Variants in GRID2 observed in about 807,000 individuals in gnomAD.
GRID2 encodes the protein glutamate ionotropic receptor delta type subunit 2, also known as glutamate receptor ionotropic, delta-2.
GRID2 carries 33 observed loss-of-function variants against 114.8 expected under a neutral mutation model. The observed-to-expected ratio is 0.29, with a 90% CI of 0.22 to 0.38. The LOEUF (loss-of-function observed/expected upper bound fraction) is 0.38, where lower values mean the gene tolerates loss of function less well. GRID2 is among the 10% of genes least tolerant of loss of function. The pLI is 1.00. For synonymous variants in GRID2, 505 were observed against 449.9 expected (o/e 1.12, Z -1.55); for missense variants, 1,184 against 1,257.7 (o/e 0.94, Z 0.89).
At chr4:92,835,096 T>C (rs528915754) in intron 2 of GRID2, among the ~76,000 whole-genome samples, 3 of 151,718 alleles carry the variant, frequency 2.0e-5, no homozygotes, top group East Asian at 3.9e-4. Context: ...AATTTTAATA[T>C]GATATGGCAG....
chr4:92,416,455 T>C (rs1731621061), intron 1 of GRID2, among the ~76,000 whole-genome samples: 1 of 152,132 alleles, frequency 6.6e-6, no homozygotes, highest in Non-Finnish European at 1.5e-5. Context: ...GGCTTTTGGA[T>C]TCTTGGTCAT....
chr4:93,575,239 C>G (rs374658787), intron 13 of GRID2, among the ~76,000 whole-genome samples: 2 of 152,154 alleles, frequency 1.3e-5, no homozygotes, highest in Non-Finnish European at 2.9e-5. Flanking sequence ...ATGTAACAGT[C>G]TACACACAAA....
At chr4:93,564,200 A>G (rs1443930656) in intron 13 of GRID2, among the ~76,000 whole-genome samples, 14 of 152,042 alleles carry the variant, frequency 9.2e-5, no homozygotes, top group Admixed American at 9.2e-4. Context: ...TCATAGAAAT[A>G]TGTCAAAGTC....
intron 2 of GRID2, among the ~76,000 whole-genome samples, chr4:92,938,330 C>G (rs1193920329): frequency 6.8e-6 from 1 of 146,448 alleles, no homozygotes. Context: ...TATGGCCCAT[C>G]TTTCTGGTTT....
At chr4:92,501,766 T>A (rs758898858) in intron 1 of GRID2, among the ~76,000 whole-genome samples, 2 of 152,160 alleles carry the variant, frequency 1.3e-5, no homozygotes, top group Non-Finnish European at 2.9e-5. Context: ...ATCTATACTG[T>A]CAGTAGTGTT....
At chr4:92,962,226 C>T (rs1480442438) in intron 2 of GRID2, among the ~76,000 whole-genome samples, 1 of 151,532 alleles carries the variant, frequency 6.6e-6, no homozygotes, top group Admixed American at 6.6e-5. Context: ...TTTTAGTATG[C>T]CTTGTTTTTT....
intron 1 of GRID2, among the ~76,000 whole-genome samples, chr4:92,421,561 C>T (rs1271100601): frequency 1.3e-5 from 2 of 152,032 alleles, no homozygotes; most frequent in Admixed American, 1.3e-4. Flanking sequence ...TGCTGTAGGC[C>T]CACTGCTAAG....
chr4:93,012,792 A>C (rs1722313190), intron 2 of GRID2, among the ~76,000 whole-genome samples: 1 of 152,206 alleles, frequency 6.6e-6, no homozygotes, highest in East Asian at 1.9e-4. Flanking sequence ...TATTCTTACT[A>C]TGGAGAAATA....
rs17019841 is a variant in GRID2, at chr4:92,736,615, A to G, written c.244+146329A>G. 6.5e-3 allele frequency among the ~76,000 whole-genome samples: 988 copies of G among 152,180 alleles called. 7 individuals are homozygous for G. Among genetic ancestry groups the G allele is most frequent in the African/African-American group, 0.023 (948 of 41,554 alleles). On this transcript the variant is annotated intron_variant, in intron 2 of 15. Coordinates refer to ENST00000282020, the MANE Select transcript of GRID2 (RefSeq NM_001510.4). The stretch of plus-strand genomic sequence containing the variant: ...ACAACAACATGCCTCATTAGCAACA[A>G]ACACGTACTTAGGCTTTTGTCCATT...
intron 2 of GRID2, chr4:92,823,136 T>C (rs993787050): frequency 3.2e-4 from 49 of 152,206 alleles, no homozygotes; most frequent in Middle Eastern, 3.2e-3. Flanking sequence ...AAGGTAATTA[T>C]GTACAAAAGT....
Position 93,515,382 on chromosome 4 carries a change from G to A in GRID2, c.2164G>A (p.Val722Ile), listed in dbSNP as rs913592052. 2 of 1,612,452 alleles carry A rather than the reference G, an allele frequency of 1.2e-6. No homozygotes were observed. The highest frequency in any genetic ancestry group is 1.7e-6 in the Non-Finnish European group (2 of 1,178,824). Residue 722 changes from valine (V) to isoleucine (I), a missense_variant, in exon 13 of 16, where the codon GTT becomes ATT. Val to Ile is a conservative substitution (Grantham distance 29, BLOSUM62 3). Coordinates refer to ENST00000282020, the MANE Select transcript of GRID2 (RefSeq NM_001510.4). ...INRSNGSENNVLESQAGIQKV... is the reference protein window; with the variant it reads ...INRSNGSENNILESQAGIQKV... The stretch of plus-strand genomic sequence containing the variant: ...CCGAAGCAATGGATCGGAGAACAAT[G>A]TTCTGGAGTCCCAGGCAGGCATTCA...
Position 93,772,521 on chromosome 4 carries a change from G to GT in GRID2, c.*26dup, listed in dbSNP as rs1734194706. 1 of 1,521,052 alleles carries GT rather than the reference G, an allele frequency of 6.6e-7. No individual in the cohort carries two copies. The highest frequency in any genetic ancestry group is 1.4e-5 in the African/African-American group (1 of 71,816). 94.2% of individuals were successfully genotyped at this position (1,521,052 alleles called of 1,614,324 possible). A position where few individuals can be genotyped will look rare whatever the true frequency, so the allele number is the denominator to read the frequency against. On this transcript the variant is annotated 3_prime_UTR_variant, in exon 16 of 16. Coordinates refer to ENST00000282020, the MANE Select transcript of GRID2 (RefSeq NM_001510.4). ...TGAGCATCAAACAAATCTCTTCACT[G>GT]TTTCTTTTTTAGGACTCCCTTTGCA... is the stretch of plus-strand genomic sequence containing the variant.
At chr4:93,005,268 G>A (rs1187965407) in intron 2 of GRID2, among the ~76,000 whole-genome samples, 1 of 151,968 alleles carries the variant, frequency 6.6e-6, no homozygotes, top group Non-Finnish European at 1.5e-5. Flanking sequence ...CACAAATTTA[G>A]GAGTTATTCT....
intron 2 of GRID2, among the ~76,000 whole-genome samples, chr4:92,599,290 A>T (rs1223937586): frequency 6.6e-6 from 1 of 152,112 alleles, no homozygotes; most frequent in Non-Finnish European, 1.5e-5. Context: ...TGAAGTAAAT[A>T]AGGCGCTGAG....
At chr4:92,610,571 C>A (rs545258751) in intron 2 of GRID2, among the ~76,000 whole-genome samples, 1 of 151,560 alleles carries the variant, frequency 6.6e-6, no homozygotes, top group African/African-American at 2.4e-5. Flanking sequence ...TCCACTTCCT[C>A]GTCCTTCACG....
Position 92,975,156 on chromosome 4 carries a change from C to CAAAAAAAAAAA in GRID2, c.245-109828_245-109818dup, listed in dbSNP as rs527770693. On this transcript the variant is annotated intron_variant, in intron 2 of 15. Transcript: ENST00000282020. ...TGGGCGACAGAGTGAGATTCCGCCT[C>CAAAAAAAAAAA]AAAAAAAAAAAAAAAAAAAAAGGTG... is the stretch of plus-strand genomic sequence containing the variant. Among the ~76,000 whole-genome samples the CAAAAAAAAAAA allele has an allele frequency of 3.9e-4, 18 of 46,678 alleles. 2 individuals are homozygous for CAAAAAAAAAAA. The highest frequency in any genetic ancestry group is 1.1e-3 in the African/African-American group (11 of 10,196). 30.6% of individuals were successfully genotyped at this position (46,678 alleles called of 152,430 possible).
intron 4 of GRID2, among the ~76,000 whole-genome samples, chr4:93,176,831 G>A (rs1031477254): frequency 6.6e-6 from 1 of 152,058 alleles, no homozygotes; most frequent in Non-Finnish European, 1.5e-5. Context: ...TCTGAAGTGG[G>A]AATATCTCAT....
intron 1 of GRID2, among the ~76,000 whole-genome samples, chr4:92,471,021 A>G (rs896780598): frequency 7.2e-5 from 11 of 152,010 alleles, no homozygotes; most frequent in Non-Finnish European, 1.6e-4. Context: ...ACAGGGTACA[A>G]ATCCTGACAG....
At chr4:92,497,356 C>T (rs1341712473) in intron 1 of GRID2, among the ~76,000 whole-genome samples, 3 of 151,624 alleles carry the variant, frequency 2.0e-5, no homozygotes, top group Non-Finnish European at 4.4e-5. Context: ...TGTGTGTATC[C>T]TATTTAGTTT....
Sources: gnomAD v4.1 joint callset for allele counts (sites outside exome capture counted in the v4.1 genomes callset) on GRCh38, gnomAD v4.1.1 for gene constraint, MANE v1.5 for transcripts, NCBI Gene and HGNC (gene_info 2026-07-23, HGNC 2026-07-21) for gene names.